The following KCNQ3 variants were observed in gnomAD, a reference collection of about 807,000 sequenced individuals.
KCNQ3 encodes the protein potassium voltage-gated channel subfamily Q member 3.
In KCNQ3, 30 loss-of-function variants were observed where a neutral mutation model predicts 92.5. The ratio of observed to expected loss-of-function variants is 0.32; its 90% CI spans 0.24 to 0.44. KCNQ3 has a LOEUF of 0.44. Among genes scored for constraint, KCNQ3 ranks in the 20% least tolerant of loss-of-function variants. The probability of loss-of-function intolerance (pLI) is 1.00; values close to 1 mark genes in which losing one functional copy is unlikely to be tolerated. For missense variants in KCNQ3, 913 were observed against 1,140.3 expected (o/e 0.80, Z 2.87); for synonymous variants, 450 against 468.8 (o/e 0.96, Z 0.52).
intron 1 of KCNQ3, among the ~76,000 whole-genome samples, chr8:132,472,065 A>G (rs540573511): frequency 2.0e-5 from 3 of 152,324 alleles, no homozygotes; most frequent in East Asian, 3.9e-4. Context: ...ATGAGATATC[A>G]TCTTACCCTA....
chr8:132,144,766 C>A (rs1324598749), intron 9 of KCNQ3, among the ~76,000 whole-genome samples: 3 of 152,148 alleles, frequency 2.0e-5, no homozygotes, highest in East Asian at 3.9e-4. Flanking sequence ...AAATCTTCAT[C>A]CCTTTTTTTC....
intron 1 of KCNQ3, among the ~76,000 whole-genome samples, chr8:132,454,670 T>A (rs753184108): frequency 6.6e-6 from 1 of 152,008 alleles, no homozygotes; most frequent in Non-Finnish European, 1.5e-5. Context: ...GAGCAGCAGA[T>A]GAAATGGGCT....
intron 1 of KCNQ3, among the ~76,000 whole-genome samples, chr8:132,416,702 C>G (rs946754579): frequency 5.3e-5 from 8 of 152,072 alleles, no homozygotes; most frequent in African/African-American, 1.9e-4. Flanking sequence ...GGCACTGAAG[C>G]CACAGAGAGG....
chr8:132,176,020 C>G (rs937018697), intron 4 of KCNQ3, among the ~76,000 whole-genome samples: 2 of 152,148 alleles, frequency 1.3e-5, no homozygotes, highest in Non-Finnish European at 2.9e-5. Flanking sequence ...GGGTCTCTGT[C>G]CAGAGACCCA....
chr8:132,371,156 T>C (rs914255315), intron 1 of KCNQ3, among the ~76,000 whole-genome samples: 15 of 152,204 alleles, frequency 9.9e-5, no homozygotes, highest in Admixed American at 9.2e-4. Flanking sequence ...CCTTGCCTTA[T>C]CTACCCTCTC....
intron 9 of KCNQ3, among the ~76,000 whole-genome samples, chr8:132,141,665 C>T (rs1825301761): frequency 6.6e-6 from 1 of 152,186 alleles, no homozygotes; most frequent in African/African-American, 2.4e-5. Flanking sequence ...CCATTTCCTG[C>T]ATCAATAACT....
intron 1 of KCNQ3, among the ~76,000 whole-genome samples, chr8:132,272,836 T>C (rs1816195624): frequency 6.6e-6 from 1 of 152,146 alleles, no homozygotes. Context: ...AACCATATAT[T>C]CCACCCTGGC....
chr8:132,157,221 G>C (rs545397007), intron 9 of KCNQ3, among the ~76,000 whole-genome samples: 1 of 152,302 alleles, frequency 6.6e-6, no homozygotes, highest in East Asian at 1.9e-4. Flanking sequence ...AGCCAAGTCA[G>C]GGAGCCGAGA....
rs1412338819 is a variant in KCNQ3, at chr8:132,129,905, G to T, written c.1976C>A (p.Pro659Gln). ...AGCTGGCGAGGAGGTGCCCTTGGTT[G>T]GGTAATACTCCGTGACCTGCACCTG... Reference protein sequence around the residue: ...RLQVQVTEYYPTKGTSSPAEA... With the variant: ...RLQVQVTEYYQTKGTSSPAEA... Residue 659 changes from proline to glutamine, a missense_variant, in exon 15 of 15, where the codon CCA (proline) becomes CAA (glutamine). This residue lies in a region of KCNQ3 where 375 missense variants were observed against 376.4 expected (regional missense o/e 1.00). Coordinates refer to ENST00000388996, the MANE Select transcript of KCNQ3 (RefSeq NM_004519.4). The surrounding 1 kb of genome is among the most constrained non-coding windows in gnomAD (Gnocchi z 5.9). 2.5e-6 allele frequency: 4 copies of T among 1,614,080 alleles called. No individual in the cohort carries two copies. The highest frequency in any genetic ancestry group is 3.4e-6 in the Non-Finnish European group (4 of 1,180,032).
intron 1 of KCNQ3, among the ~76,000 whole-genome samples, chr8:132,242,891 A>G (rs1169054258): frequency 1.3e-5 from 2 of 152,250 alleles, no homozygotes; most frequent in Admixed American, 1.3e-4. Flanking sequence ...AGATAAGCAC[A>G]TAAATCTCTG....
chr8:132,434,979 C>T (rs953409732), intron 1 of KCNQ3, among the ~76,000 whole-genome samples: 1 of 152,168 alleles, frequency 6.6e-6, no homozygotes, highest in African/African-American at 2.4e-5. Context: ...AAGTTCAGCT[C>T]TCTTAAACCT....
chr8:132,159,374 G>A (rs1341982733), intron 9 of KCNQ3, among the ~76,000 whole-genome samples: 1 of 152,156 alleles, frequency 6.6e-6, no homozygotes, highest in Non-Finnish European at 1.5e-5. Context: ...TCTAATGGGG[G>A]TTGCTAAGTA....
intron 1 of KCNQ3, among the ~76,000 whole-genome samples, chr8:132,423,074 G>A (rs1383388051): frequency 6.6e-6 from 1 of 152,126 alleles, no homozygotes; most frequent in Non-Finnish European, 1.5e-5. Flanking sequence ...CCAGGGAGAA[G>A]CCAGAATTAA....
At chr8:132,403,683 T>G (rs1820406531) in intron 1 of KCNQ3, among the ~76,000 whole-genome samples, 1 of 152,138 alleles carries the variant, frequency 6.6e-6, no homozygotes, top group Non-Finnish European at 1.5e-5. Flanking sequence ...ATCCTTCAAA[T>G]CTCGGTTCAG....
intron 1 of KCNQ3, among the ~76,000 whole-genome samples, chr8:132,285,074 G>T (rs1268485617): frequency 6.6e-6 from 1 of 152,026 alleles, no homozygotes. Flanking sequence ...TATTTTTTTG[G>T]TAGCAACATA....
At chr8:132,328,713 G>A (rs1335970912) in intron 1 of KCNQ3, among the ~76,000 whole-genome samples, 5 of 152,000 alleles carry the variant, frequency 3.3e-5, no homozygotes, top group East Asian at 1.9e-4. Flanking sequence ...ACAATACTCC[G>A]TATCTCTTCT....
chr8:132,168,502 C>T (rs1366424786), intron 8 of KCNQ3, among the ~76,000 whole-genome samples: 1 of 152,044 alleles, frequency 6.6e-6, no homozygotes, highest in Non-Finnish European at 1.5e-5. Flanking sequence ...GCCACCAGAA[C>T]CTTTTGAGGA....
chr8:132,389,227 T>G (rs1292613792), intron 1 of KCNQ3, among the ~76,000 whole-genome samples: 2 of 152,038 alleles, frequency 1.3e-5, no homozygotes, highest in Non-Finnish European at 2.9e-5. Flanking sequence ...GAGGCTGAGG[T>G]GGTTGGATTA....
intron 1 of KCNQ3, among the ~76,000 whole-genome samples, chr8:132,445,622 C>T (rs566764918): frequency 6.6e-6 from 1 of 152,118 alleles, no homozygotes; most frequent in African/African-American, 2.4e-5. Context: ...AATTAATTTT[C>T]CCTCCTTTGG....
Sources: gnomAD v4.1 joint callset for allele counts (sites outside exome capture counted in the v4.1 genomes callset) on GRCh38, gnomAD v4.1.1 for gene constraint, gnomAD v4.1.1 regional missense constraint, Gnocchi (gnomAD v3.1) non-coding constraint, MANE v1.5 for transcripts, NCBI Gene and HGNC (gene_info 2026-07-23, HGNC 2026-07-21) for gene names.